Variants in XPNPEP1 observed in about 807,000 individuals in gnomAD.
XPNPEP1 encodes the protein xaa-Pro aminopeptidase 1.
Under a neutral mutation model 92.4 loss-of-function variants are expected in XPNPEP1, and 39 were observed. The ratio of observed to expected loss-of-function variants is 0.42; its 90% CI spans 0.33 to 0.55. XPNPEP1 has a LOEUF of 0.55. XPNPEP1 is among the 20% of genes least tolerant of loss of function. The pLI is 0.08. For synonymous variants in XPNPEP1, 307 were observed against 299.4 expected, an observed-to-expected ratio of 1.03 and a Z score of -0.26; for missense variants, 654 against 856.1, an observed-to-expected ratio of 0.76 and a Z score of 2.95.
At chr10:109,874,589 C>T (rs928229956) in intron 15 of XPNPEP1, among the ~76,000 whole-genome samples, 1 of 152,220 alleles carries the variant, frequency 6.6e-6, no homozygotes, top group Non-Finnish European at 1.5e-5. Context: ...ATTGGCTGAG[C>T]TCATTCAATA....
At chr10:109,892,204 G>T (rs916187884) in intron 4 of XPNPEP1, among the ~76,000 whole-genome samples, 1 of 152,166 alleles carries the variant, frequency 6.6e-6, no homozygotes, top group African/African-American at 2.4e-5. Flanking sequence ...CCACTCCTCT[G>T]CTCCACCAGA....
intron 19 of XPNPEP1, 189 bp downstream of exon 19, chr10:109,869,761 GAGA>G: frequency 3.8e-6 from 2 of 527,336 alleles, no homozygotes; most frequent in South Asian, 4.9e-5. Context: ...CTGATATCTG[GAGA>G]AGAAGGCTCC....
chr10:109,889,808 C>T (rs1398849668), intron 5 of XPNPEP1, among the ~76,000 whole-genome samples: 1 of 152,192 alleles, frequency 6.6e-6, no homozygotes. Context: ...GATACAACCA[C>T]ATAACCATAG....
chr10:109,904,368 C>T (rs983102532), intron 3 of XPNPEP1, among the ~76,000 whole-genome samples: 1 of 151,702 alleles, frequency 6.6e-6, no homozygotes, highest in Non-Finnish European at 1.5e-5. Context: ...TCACTCTGAC[C>T]TCTCCCTTCA....
At chr10:109,870,104 T>A in intron 18 of XPNPEP1, 75 bp from the exon 19 acceptor site, 1 of 1,499,132 alleles carries the variant, frequency 6.7e-7, no homozygotes, top group Non-Finnish European at 9.2e-7. Context: ...TTTCACTCCT[T>A]GGATGACTGC....
intron 18 of XPNPEP1, 59 bp from the exon 19 acceptor site, chr10:109,870,088 A>G: frequency 1.3e-6 from 2 of 1,575,660 alleles, no homozygotes; most frequent in Non-Finnish European, 1.7e-6. Context: ...GTCTACAGAG[A>G]GAAACTTTCA....
intron 2 of XPNPEP1, among the ~76,000 whole-genome samples, chr10:109,908,697 C>G (rs1043686804): frequency 6.6e-6 from 1 of 152,216 alleles, no homozygotes; most frequent in Non-Finnish European, 1.5e-5. Flanking sequence ...AGAGAAGTTT[C>G]TAGAAGGACA....
intron 1 of XPNPEP1, among the ~76,000 whole-genome samples, chr10:109,920,516 G>A (rs1850482090): frequency 6.6e-6 from 1 of 152,124 alleles, no homozygotes; most frequent in Non-Finnish European, 1.5e-5. Context: ...GACTGGTTCA[G>A]ACACATGACT....
At chr10:109,886,216 A>G in intron 8 of XPNPEP1, 30 bp downstream of exon 8, 1 of 1,610,640 alleles carries the variant, frequency 6.2e-7, no homozygotes, top group East Asian at 2.2e-5. Flanking sequence ...ATCGGGTAAC[A>G]TGCCCAAACA....
At chr10:109,905,055 A>G (rs1849483566) in intron 3 of XPNPEP1, among the ~76,000 whole-genome samples, 1 of 152,198 alleles carries the variant, frequency 6.6e-6, no homozygotes, top group Admixed American at 6.5e-5. Flanking sequence ...AAAGTCTCTA[A>G]ATAAAATGGA....
At chr10:109,890,679 T>G (rs929297886) in intron 5 of XPNPEP1, among the ~76,000 whole-genome samples, 2 of 151,520 alleles carry the variant, frequency 1.3e-5, no homozygotes, top group Non-Finnish European at 2.9e-5. Context: ...GCTTTGGTGT[T>G]TTTATATTTA....
intron 4 of XPNPEP1, among the ~76,000 whole-genome samples, chr10:109,892,217 C>T (rs1188643446): frequency 6.6e-6 from 1 of 152,214 alleles, no homozygotes; most frequent in African/African-American, 2.4e-5. Context: ...CCACCAGACA[C>T]CCCAGGGGAG....
intron 3 of XPNPEP1, among the ~76,000 whole-genome samples, chr10:109,906,955 C>A (rs890242055): frequency 2.0e-5 from 3 of 152,148 alleles, no homozygotes; most frequent in Non-Finnish European, 4.4e-5. Flanking sequence ...TCACACTTAC[C>A]ACATTTTACC....
intron 5 of XPNPEP1, among the ~76,000 whole-genome samples, chr10:109,888,969 G>C (rs1848557027): frequency 6.6e-6 from 1 of 152,124 alleles, no homozygotes; most frequent in Admixed American, 6.5e-5. Flanking sequence ...ATGAGAATTT[G>C]GGCAGTGATT....
At chr10:109,868,347 C>T (rs1013017665) in intron 20 of XPNPEP1, among the ~76,000 whole-genome samples, 7 of 151,676 alleles carry the variant, frequency 4.6e-5, no homozygotes, top group Non-Finnish European at 1.0e-4. Context: ...CAATGGCATA[C>T]GAGTTCCACC....
intron 20 of XPNPEP1, among the ~76,000 whole-genome samples, chr10:109,868,279 T>C (rs1307137380): frequency 2.0e-5 from 3 of 151,776 alleles, no homozygotes; most frequent in Non-Finnish European, 4.4e-5. Flanking sequence ...GGGACACACA[T>C]AGGCTCATAT....
At chr10:109,889,524 A>G (rs1848584934) in intron 5 of XPNPEP1, among the ~76,000 whole-genome samples, 1 of 152,238 alleles carries the variant, frequency 6.6e-6, no homozygotes, top group South Asian at 2.1e-4. Context: ...TCCCAGGATG[A>G]GACAGCCCTT....
Position 109,907,826 on chromosome 10 carries a change from A to G in XPNPEP1, c.122-11T>C, listed in dbSNP as rs375620618. 2 of 1,613,770 alleles carry G rather than the reference A, an allele frequency of 1.2e-6. No homozygotes were observed. Among genetic ancestry groups the G allele is most frequent in the Non-Finnish European group, 1.7e-6 (2 of 1,179,814 alleles). On this transcript the variant is annotated splice_polypyrimidine_tract_variant and intron_variant, in intron 2 of 20. Coordinates refer to ENST00000502935, the MANE Select transcript of XPNPEP1 (RefSeq NM_020383.4). ...GAGGCATTCTGCCGTCTGCAACAACAGGAGAGCAAATTTCAAAACCAGCCT... is the reference window on the plus strand; with the variant it reads ...GAGGCATTCTGCCGTCTGCAACAACGGGAGAGCAAATTTCAAAACCAGCCT...
chr10:109,891,915 A>T (rs1423587824), intron 4 of XPNPEP1, 89 bp from the exon 5 acceptor site: 2 of 1,305,312 alleles, frequency 1.5e-6, no homozygotes, highest in African/African-American at 1.5e-5. Flanking sequence ...AGGCAAGAGC[A>T]GTAAGAGGCA....
Sources: allele counts gnomAD v4.1 joint callset (sites outside exome capture counted in the v4.1 genomes callset), GRCh38; gene constraint gnomAD v4.1.1; transcripts MANE v1.5; gene names NCBI Gene and HGNC (gene_info 2026-07-23, HGNC 2026-07-21).